Variants in TAOK2 observed in about 807,000 individuals in gnomAD.
The protein encoded by TAOK2 is TAO kinase 2.
A neutral mutation model predicts 122.5 loss-of-function variants in TAOK2; 42 were observed. The observed-to-expected ratio is 0.34, with a 90% CI of 0.27 to 0.44. TAOK2 has a LOEUF of 0.44. TAOK2 is among the 20% of genes least tolerant of loss of function. The pLI, the probability that TAOK2 is intolerant of heterozygous loss-of-function variation, is 1.00. For synonymous variants in TAOK2, 704 were observed against 677.6 expected (o/e 1.04, Z -0.61); for missense variants, 1,264 against 1,644.9 (o/e 0.77, Z 4.01).
rs1017750956 is a variant in TAOK2 at position 29,987,933 on chromosome 16, C to T, written c.3661C>T (p.Arg1221Trp). Residue 1221 changes from arginine (R) to tryptophan (W), a missense_variant, in exon 16 of 16, where the codon CGG (arginine) becomes TGG (tryptophan). This residue lies in a region of TAOK2 where 824 missense variants were observed against 908.7 expected (regional missense o/e 0.91). Coordinates refer to ENST00000308893, the MANE Select transcript of TAOK2 (RefSeq NM_016151.4). ...RQPLPGTLAG[R>W]RSRTRQSRAL... ...GCCACTGCCAGGGACTCTAGCCGGG[C>T]GGAGGTCACGCACCCGCCAGTCCCG... is the stretch of plus-strand genomic sequence containing the variant. The T allele has an allele frequency of 6.5e-6, 10 of 1,540,486 alleles. No individual in the cohort carries two copies. Among genetic ancestry groups the T allele is most frequent in the African/African-American group, 2.7e-5 (2 of 74,154 alleles).
chr16:29,981,089 T>G (rs2069597704), intron 8 of TAOK2: 1 of 159,274 alleles, frequency 6.3e-6, no homozygotes, highest in African/African-American at 2.4e-5. Flanking sequence ...TACAAGGGAC[T>G]CTTAGCGACT....
chr16:29,982,620 C>T (rs1261473798), intron 10 of TAOK2, 114 bp from the exon 11 acceptor site: 26 of 1,407,660 alleles, frequency 1.8e-5, no homozygotes, highest in Non-Finnish European at 2.5e-5. Context: ...CCAGCATCAA[C>T]CCGTGGTGGG....
chr16:29,979,308 GGTGA>G lies in TAOK2; in HGVS notation c.563+12_563+15del, dbSNP rs746905198. ...AACTCCTTCGTGGGCACCCCATACT[GGTGA>G]GTGAGTGAGTGGTGGTGAGTGGAGA... On this transcript the variant is annotated splice_donor_variant and splice_donor_region_variant and intron_variant, in intron 7 of 15. Coordinates refer to ENST00000308893, the MANE Select transcript of TAOK2 (RefSeq NM_016151.4). LOFTEE classifies it high-confidence loss of function. The surrounding 1 kb of genome is among the most constrained non-coding windows in gnomAD (Gnocchi z 4.1). The G allele has an allele frequency of 1.3e-5, 21 of 1,614,026 alleles. No individual in the cohort carries two copies. Among genetic ancestry groups the G allele is most frequent in the Non-Finnish European group, 1.6e-5 (19 of 1,179,944 alleles).
At chr16:29,980,188 C>A (rs547457578) in intron 8 of TAOK2, among the ~76,000 whole-genome samples, 4 of 152,274 alleles carry the variant, frequency 2.6e-5, no homozygotes, top group African/African-American at 9.6e-5. Context: ...GAAGCCATGC[C>A]AAGGTTCTCA....
In TAOK2 at chr16:29,985,299, G is replaced by A. The variant is rs1294136682; in HGVS notation, c.1509G>A (p.Gln503=). Residue 503 remains glutamine, a synonymous_variant, in exon 14 of 16, where the codon CAG becomes CAA. Coordinates refer to ENST00000308893, the MANE Select transcript of TAOK2 (RefSeq NM_016151.4). This position sits in a 1 kb window ranked among gnomAD's most constrained non-coding sequence, Gnocchi z 6.9. ...ATAAGCGGATGCGACGACAGCACCAGAAGCAGCTGCTGGCCCTGGAGTCAC... is the reference window on the plus strand; with the variant it reads ...ATAAGCGGATGCGACGACAGCACCAAAAGCAGCTGCTGGCCCTGGAGTCAC... ...SGYKRMRRQH[Q]KQLLALESRL... The A allele has an allele frequency of 1.9e-6, 3 of 1,605,496 alleles. No individual in the cohort carries two copies. Among genetic ancestry groups the A allele is most frequent in the Non-Finnish European group, 2.6e-6 (3 of 1,174,756 alleles).
intron 10 of TAOK2, 70 bp from the exon 11 acceptor site, chr16:29,982,664 G>A (rs891820728): frequency 5.1e-5 from 80 of 1,560,246 alleles, no homozygotes; most frequent in Non-Finnish European, 6.3e-5. Context: ...AGGCCTGAGG[G>A]AATGCCAAGG....
chr16:29,988,088 A>G lies in TAOK2; in HGVS notation c.*108A>G. The stretch of plus-strand genomic sequence containing the variant: ...TCCTCTCTTTTCACCCACCTTCCTC[A>G]GTTTGCTCACTTACCCCAGGCCCAG... On this transcript the variant is annotated 3_prime_UTR_variant, in exon 16 of 16. Transcript: ENST00000308893. 1.4e-6 allele frequency: 2 copies of G among 1,437,016 alleles called. No individual in the cohort carries two copies. Among genetic ancestry groups the G allele is most frequent in the Non-Finnish European group, 1.8e-6 (2 of 1,100,382 alleles). 89.0% of individuals were successfully genotyped at this position (1,437,016 alleles called of 1,614,324 possible).
At chr16:29,975,412 A>T (rs2069424259) in intron 1 of TAOK2, among the ~76,000 whole-genome samples, 1 of 152,148 alleles carries the variant, frequency 6.6e-6, no homozygotes, top group South Asian at 2.1e-4. Context: ...CCTCAATCAC[A>T]TCTTTCCCTG....
downstream of TAOK2, chr16:29,990,570 C>T (rs567011183): frequency 5.9e-5 from 24 of 408,076 alleles, no homozygotes; most frequent in Admixed American, 2.5e-4. Context: ...GCTATCACAA[C>T]GCTTCCGTGA....
intron 1 of TAOK2, among the ~76,000 whole-genome samples, 193 bp downstream of exon 1, chr16:29,974,841 G>A (rs1223438691): frequency 1.2e-4 from 19 of 152,102 alleles, no homozygotes; most frequent in Admixed American, 1.2e-3. Context: ...ATTGTGTCTG[G>A]TTGGTGGGGG....
Position 29,987,207 on chromosome 16 carries a change from G to C in TAOK2, c.2935G>C (p.Ala979Pro). 6.4e-7 allele frequency: 1 copy of C among 1,550,788 alleles called. No homozygotes were observed. Among genetic ancestry groups the C allele is most frequent in the Non-Finnish European group, 8.7e-7 (1 of 1,154,196 alleles). The part of the protein sequence containing the change: ...LLLLLLPLLA[A>P]QGGGGLQAAL... ...GCTGCTGCTGCTTCCATTGCTGGCA[G>C]CCCAGGGTGGGGGTGGCCTGCAGGC... The change falls in exon 16 of 16, where the codon GCC (alanine) becomes CCC (proline). Residue 979 changes from alanine (A) to proline (P), a missense_variant. This residue lies in a region of TAOK2 where 824 missense variants were observed against 908.7 expected (regional missense o/e 0.91). Coordinates refer to ENST00000308893, the MANE Select transcript of TAOK2 (RefSeq NM_016151.4).
At chr16:29,983,701 C>T (rs2069693935) in intron 13 of TAOK2, 37 bp downstream of exon 13, 2 of 1,580,624 alleles carry the variant, frequency 1.3e-6, no homozygotes, top group African/African-American at 1.3e-5. Flanking sequence ...TGCTCGCTGT[C>T]TGTTTTTTAA....
At position 29,983,737 on chromosome 16, in the gene TAOK2, C is replaced by T. The variant is rs768198114; in HGVS notation, c.1422+73C>T. ...GTCTTTTTAAGTCTAGAAATGATTT[C>T]CTCCCTGTGGCATGGGATTGAGTCT... On this transcript the variant is annotated intron_variant, in intron 13 of 15. Coordinates refer to ENST00000308893, the MANE Select transcript of TAOK2 (RefSeq NM_016151.4). The T allele has an allele frequency of 7.4e-4, 1,147 of 1,541,674 alleles. 4 individuals are homozygous for T. Among genetic ancestry groups the T allele is most frequent in the Non-Finnish European group, 9.4e-4 (1,075 of 1,142,412 alleles).
At chr16:29,991,317 T>C (rs1450229556), downstream of TAOK2, 17 of 1,609,446 alleles carry the variant, frequency 1.1e-5, no homozygotes, top group Non-Finnish European at 1.4e-5. The surrounding 1 kb of genome is among the most constrained non-coding windows in gnomAD (Gnocchi z 5.6). Flanking sequence ...CCCTCCAGCC[T>C]GGCGTCAGCC....
chr16:29,983,393 C>A, intron 12 of TAOK2, 61 bp downstream of exon 12: 1 of 1,560,552 alleles, frequency 6.4e-7, no homozygotes, highest in African/African-American at 1.3e-5. Flanking sequence ...GGGTCTTCGC[C>A]CTCCTTCCCT....
In TAOK2 at chr16:29,987,551, A is replaced by G. The variant is rs2069846818; in HGVS notation, c.3279A>G (p.Ser1093=). Residue 1093 remains serine, a synonymous_variant, in exon 16 of 16, where the codon TCA becomes TCG. Coordinates refer to ENST00000308893, the MANE Select transcript of TAOK2 (RefSeq NM_016151.4). The stretch of plus-strand genomic sequence containing the variant: ...GGTTGCGGGTTCTGCTGCGCCTGTC[A>G]CCCATGGCCTTCCGGGCCCTGCAGG... The part of the protein sequence containing the change: ...RLWLRVLLRL[S]PMAFRALQGC... 6.2e-6 allele frequency: 10 copies of G among 1,612,042 alleles called. No homozygotes were observed. In the East Asian group the frequency reaches 2.2e-4, roughly 36 times the overall value.
In TAOK2 at chr16:29,985,997, T is replaced by C; in HGVS notation, c.1992+136T>C. ...AGTTCAGCTTTGCTTCAGTGCCCCT[T>C]TTACTTCTCATCCCCAACAGACCCT... On this transcript the variant is annotated intron_variant, in intron 15 of 15. Coordinates refer to ENST00000308893, the MANE Select transcript of TAOK2 (RefSeq NM_016151.4). This position sits in a 1 kb window ranked among gnomAD's most constrained non-coding sequence, Gnocchi z 6.9. 1.7e-6 allele frequency: 2 copies of C among 1,170,508 alleles called. No individual in the cohort carries two copies. The highest frequency in any genetic ancestry group is 2.4e-6 in the Non-Finnish European group (2 of 835,272). The allele number at this position is 1,170,508 out of a possible 1,614,324, so 72.5% of individuals were successfully genotyped here.
At chr16:29,976,099 T>G (rs1310084731) in intron 1 of TAOK2, among the ~76,000 whole-genome samples, 1 of 152,218 alleles carries the variant, frequency 6.6e-6, no homozygotes, top group Non-Finnish European at 1.5e-5. Flanking sequence ...GGGACCTGCA[T>G]GATGTTTTGC....
Position 29,979,576 on chromosome 16 carries a change from C to G in TAOK2, c.655+68C>G. 7.9e-7 allele frequency: 1 copy of G among 1,258,896 alleles called. No individual in the cohort carries two copies. Among genetic ancestry groups the G allele is most frequent in the Non-Finnish European group, 1.1e-6 (1 of 929,706 alleles). The allele number at this position is 1,258,896 out of a possible 1,614,324, so 78.0% of individuals were successfully genotyped here. A position where few individuals can be genotyped will look rare whatever the true frequency, so the allele number is the denominator to read the frequency against. On this transcript the variant is annotated intron_variant, in intron 8 of 15. Coordinates refer to ENST00000308893, the MANE Select transcript of TAOK2 (RefSeq NM_016151.4). The surrounding 1 kb of genome is among the most constrained non-coding windows in gnomAD (Gnocchi z 4.1). ...TTCCTGTTAGTTCCCAGACTCCGGACTACCCCCTTCTCCTAGGGATGGGAT... is the reference window on the plus strand; with the variant it reads ...TTCCTGTTAGTTCCCAGACTCCGGAGTACCCCCTTCTCCTAGGGATGGGAT...
Sources: gnomAD v4.1 joint callset for allele counts (sites outside exome capture counted in the v4.1 genomes callset) on GRCh38, gnomAD v4.1.1 for gene constraint, gnomAD v4.1.1 regional missense constraint, Gnocchi (gnomAD v3.1) non-coding constraint, MANE v1.5 for transcripts, NCBI Gene and HGNC (gene_info 2026-07-23, HGNC 2026-07-21) for gene names.